The following CD164L2 variants were observed in gnomAD, a reference collection of about 807,000 sequenced individuals.
CD164L2 encodes CD164 molecule like 2.
CD164L2 carries 21 observed loss-of-function variants against 23.9 expected under a neutral mutation model. The observed-to-expected ratio is 0.88, with a 90% CI of 0.62 to 1.27. The LOEUF (loss-of-function observed/expected upper bound fraction) is 1.27, where lower values mean the gene tolerates loss of function less well. CD164L2 is among the 50% of genes most tolerant of loss of function. The pLI is 0.00. For synonymous variants in CD164L2, 92 were observed against 90.2 expected (o/e 1.02, Z -0.11); for missense variants, 230 against 224.8 (o/e 1.02, Z -0.15).
Position 27,383,297 on chromosome 1 carries a change from G to C in CD164L2, c.-58C>G. ...GGCCGGGATCGGTGGACAGCTGCCGGGCGCGTCCCTCCCAGACTGGGCTCG... is the reference window on the plus strand; with the variant it reads ...GGCCGGGATCGGTGGACAGCTGCCGCGCGCGTCCCTCCCAGACTGGGCTCG... On this transcript the variant is annotated 5_prime_UTR_variant, in exon 1 of 6. Transcript: ENST00000374030. 8.7e-7 allele frequency: 1 copy of C among 1,150,658 alleles called. No individual in the cohort carries two copies. The highest frequency in any genetic ancestry group is 2.1e-5 in the Admixed American group (1 of 48,626). The allele number at this position is 1,150,658 out of a possible 1,614,324, so 71.3% of individuals were successfully genotyped here. A position where few individuals can be genotyped will look rare whatever the true frequency, so the allele number is the denominator to read the frequency against.
Position 27,379,254 on chromosome 1 carries a change from G to T in CD164L2, c.*249C>A. ...GAGGCAGGCATACAACCCACTGTCA[G>T]GCTGGGGGGCCCAGCAGGGGCGATG... On this transcript the variant is annotated 3_prime_UTR_variant, in exon 6 of 6. Transcript: ENST00000374030. 1.7e-6 allele frequency: 1 copy of T among 587,656 alleles called. No homozygotes were observed. The highest frequency in any genetic ancestry group is 3.1e-6 in the Non-Finnish European group (1 of 327,492). 36.4% of individuals were successfully genotyped at this position (587,656 alleles called of 1,614,324 possible). A position where few individuals can be genotyped will look rare whatever the true frequency, so the allele number is the denominator to read the frequency against.
chr1:27,383,253 G>T lies in CD164L2; in HGVS notation c.-14C>A, dbSNP rs758969820. On this transcript the variant is annotated 5_prime_UTR_variant, in exon 1 of 6. Transcript: ENST00000374030. ...CGGAGCCTCCATGGGCTCGCGGGGT[G>T]GGGGTGGCCGGGGGCGGTGGCCGGG... The T allele has an allele frequency of 2.7e-6, 4 of 1,507,656 alleles. No homozygotes were observed. The highest frequency in any genetic ancestry group is 2.8e-5 in the African/African-American group (2 of 72,080). The allele number at this position is 1,507,656 out of a possible 1,614,324, so 93.4% of individuals were successfully genotyped here.
chr1:27,379,289 A>T lies in CD164L2; in HGVS notation c.*214T>A. On this transcript the variant is annotated 3_prime_UTR_variant, in exon 6 of 6. Coordinates refer to ENST00000374030, the MANE Select transcript of CD164L2 (RefSeq NM_001330448.1). ...CCCAGCAGGGGCGATGGAGGAGACG[A>T]GGTGGTTGAGGGATTTTCTCAGCTG... 3 of 605,274 alleles carry T rather than the reference A, an allele frequency of 5.0e-6. No homozygotes were observed. The highest frequency in any genetic ancestry group is 9.0e-6 in the Non-Finnish European group (3 of 333,574). 37.5% of individuals were successfully genotyped at this position (605,274 alleles called of 1,614,324 possible).
rs116684679 is a variant in CD164L2, at chr1:27,379,204, C to A, written c.*299G>T. The A allele has an allele frequency of 2.0e-3, 1,066 of 538,512 alleles. 12 individuals carry two copies. The highest frequency in any genetic ancestry group is 0.018 in the African/African-American group (966 of 52,858). The allele number at this position is 538,512 out of a possible 1,614,324, so 33.4% of individuals were successfully genotyped here. ...AGTGCAGAGTTCCTTTATTTGGGGG[C>A]AGTGCCCAGGCCAGTTGGTGGAAAG... On this transcript the variant is annotated 3_prime_UTR_variant, in exon 6 of 6. Transcript: ENST00000374030.
rs1329058271 is a variant in CD164L2, at chr1:27,379,944, G to A, written c.518+107C>T. 4 of 1,546,308 alleles carry A rather than the reference G, an allele frequency of 2.6e-6. No individual in the cohort carries two copies. The East Asian group carries it at 9.0e-5, about 35-fold the overall frequency. ...TGGAGCACGCTGTCACCGTCCTGAG[G>A]GCTTGCCCATGGAGAAGACAGCACC... On this transcript the variant is annotated intron_variant, in intron 5 of 5. Transcript: ENST00000374030.
At chr1:27,380,739 C>T (rs931456773) in intron 4 of CD164L2, among the ~76,000 whole-genome samples, 1 of 152,232 alleles carries the variant, frequency 6.6e-6, no homozygotes. Flanking sequence ...CCAACTGTCA[C>T]CCTGCTAAGT....
intron 3 of CD164L2, 144 bp downstream of exon 3, chr1:27,382,184 T>A: frequency 1.3e-6 from 2 of 1,580,350 alleles, no homozygotes; most frequent in Non-Finnish European, 1.7e-6. Flanking sequence ...AGGGGACTTC[T>A]CAGTGAGCTA....
intron 3 of CD164L2, 189 bp from the exon 4 acceptor site, chr1:27,382,013 C>T: frequency 7.0e-7 from 1 of 1,423,694 alleles, no homozygotes; most frequent in Non-Finnish European, 9.4e-7. Flanking sequence ...CTCTACCTTC[C>T]AGGCTCATTA....
At position 27,379,445 on chromosome 1, in the gene CD164L2, C is replaced by T; in HGVS notation, c.*58G>A. On this transcript the variant is annotated 3_prime_UTR_variant, in exon 6 of 6. Coordinates refer to ENST00000374030, the MANE Select transcript of CD164L2 (RefSeq NM_001330448.1). ...CCCCCCGCTTACCCACAAGGGTGCCCAGAGGCCACCCTCTGCATCCTCCTT... is the reference window on the plus strand; with the variant it reads ...CCCCCCGCTTACCCACAAGGGTGCCTAGAGGCCACCCTCTGCATCCTCCTT... The T allele has an allele frequency of 1.3e-6, 2 of 1,504,414 alleles. No homozygotes were observed. The highest frequency in any genetic ancestry group is 1.8e-6 in the Non-Finnish European group (2 of 1,105,512). The allele number at this position is 1,504,414 out of a possible 1,614,324, so 93.2% of individuals were successfully genotyped here.
At chr1:27,383,102 A>G in intron 1 of CD164L2, 50 bp downstream of exon 1, 1 of 1,440,078 alleles carries the variant, frequency 6.9e-7, no homozygotes, top group Non-Finnish European at 9.5e-7. Flanking sequence ...CTGAGGTGCA[A>G]GCTCCATCCG....
chr1:27,379,327 C>G lies in CD164L2; in HGVS notation c.*176G>C, dbSNP rs1265620791. On this transcript the variant is annotated 3_prime_UTR_variant, in exon 6 of 6. Coordinates refer to ENST00000374030, the MANE Select transcript of CD164L2 (RefSeq NM_001330448.1). ...ATTTTCTCAGCTGCAGGTTCCAGGC[C>G]CAGGACAGGAGGAGATGTCAGGCAT... 1 of 641,328 alleles carries G rather than the reference C, an allele frequency of 1.6e-6. No individual in the cohort carries two copies. The highest frequency in any genetic ancestry group is 1.8e-5 in the African/African-American group (1 of 54,832). The allele number at this position is 641,328 out of a possible 1,614,324, so 39.7% of individuals were successfully genotyped here. A position where few individuals can be genotyped will look rare whatever the true frequency, so the allele number is the denominator to read the frequency against.
At position 27,382,126 on chromosome 1, in the gene CD164L2, T is replaced by G. The variant is rs777486667; in HGVS notation, c.328+202A>C. The G allele has an allele frequency of 3.3e-6, 5 of 1,514,772 alleles. No homozygotes were observed. The South Asian group carries it at 6.4e-5, about 19-fold the overall frequency. The allele number at this position is 1,514,772 out of a possible 1,614,324, so 93.8% of individuals were successfully genotyped here. On this transcript the variant is annotated intron_variant, in intron 3 of 5. Coordinates refer to ENST00000374030, the MANE Select transcript of CD164L2 (RefSeq NM_001330448.1). ...AAGAAGAGCTAACACTCCCATCCCC[T>G]CCACACACCTGTACTAATTTTCAGA...
rs1367965223 is a variant in CD164L2, at chr1:27,382,368, C to T, written c.288G>A (p.Lys96=). The T allele has an allele frequency of 6.2e-7, 1 of 1,612,904 alleles. No homozygotes were observed. The highest frequency in any genetic ancestry group is 8.5e-7 in the Non-Finnish European group (1 of 1,179,362). Residue 96 remains lysine (K), a synonymous_variant, in exon 3 of 6, where the codon AAG becomes AAA. Coordinates refer to ENST00000374030, the MANE Select transcript of CD164L2 (RefSeq NM_001330448.1). Reference sequence around the variant, plus strand: ...AGCGGTTGTAGATGGAGCAACCTTCCTTGACCACCTCAGATTGGGCCACAC... The same window carrying T: ...AGCGGTTGTAGATGGAGCAACCTTCTTTGACCACCTCAGATTGGGCCACAC... ...GHCVAQSEVV[K]EGCSIYNRSE... is the part of the protein sequence containing the mutation.
At chr1:27,381,640 C>G in intron 4 of CD164L2, 140 bp downstream of exon 4, 1 of 863,006 alleles carries the variant, frequency 1.2e-6, no homozygotes, top group South Asian at 1.8e-5. Flanking sequence ...CATCATCCAA[C>G]CCATTTCACA....
chr1:27,380,337 A>T, intron 4 of CD164L2, 142 bp from the exon 5 acceptor site: 1 of 730,748 alleles, frequency 1.4e-6, no homozygotes. Context: ...TTTAGTCCAG[A>T]TCCCGCAGGC....
In CD164L2 at chr1:27,379,456, C is replaced by T. The variant is rs1423829618; in HGVS notation, c.*47G>A. On this transcript the variant is annotated 3_prime_UTR_variant, in exon 6 of 6. Coordinates refer to ENST00000374030, the MANE Select transcript of CD164L2 (RefSeq NM_001330448.1). ...CCCACAAGGGTGCCCAGAGGCCACC[C>T]TCTGCATCCTCCTTTCCCCTCAGGA... The T allele has an allele frequency of 3.3e-6, 5 of 1,527,968 alleles. No homozygotes were observed. The highest frequency in any genetic ancestry group is 1.4e-5 in the African/African-American group (1 of 72,536). The allele number at this position is 1,527,968 out of a possible 1,614,324, so 94.7% of individuals were successfully genotyped here. A position where few individuals can be genotyped will look rare whatever the true frequency, so the allele number is the denominator to read the frequency against.
rs1210946856 is a variant in CD164L2 at position 27,382,656 on chromosome 1, G to T, written c.100C>A (p.Arg34=). The change falls in exon 2 of 6, where the codon CGA becomes AGA. Residue 34 remains arginine, a synonymous_variant. Transcript: ENST00000374030. The part of the protein sequence containing the change: ...AQLAVAGKGA[R]GFGRGALIRL... ...ATCAGGGCTCCCCTCCCAAAGCCTC[G>T]AGCTCCTTTACCTGGTAGTGCGGTG... 2.4e-5 allele frequency: 38 copies of T among 1,611,172 alleles called. No homozygotes were observed. The highest frequency in any genetic ancestry group is 2.1e-4 in the Middle Eastern group (1 of 4,826).
chr1:27,381,697 A>ACTCAATCTGGG, intron 4 of CD164L2, 83 bp downstream of exon 4: 1 of 1,492,620 alleles, frequency 6.7e-7, no homozygotes, highest in Non-Finnish European at 9.2e-7. Context: ...CCGAGGTCAC[A>ACTCAATCTGGG]GAGCATGTCA....
rs1274100485 is a variant in CD164L2 at position 27,382,354 on chromosome 1, A to T, written c.302T>A (p.Ile101Asn). The T allele has an allele frequency of 6.2e-7, 1 of 1,613,578 alleles. No homozygotes were observed. The highest frequency in any genetic ancestry group is 1.3e-5 in the African/African-American group (1 of 74,856). ...TGGACATGCCTCTGAGCGGTTGTAG[A>T]TGGAGCAACCTTCCTTGACCACCTC... ...QSEVVKEGCSIYNRSEACPAA... is the reference protein window; with the variant it reads ...QSEVVKEGCSNYNRSEACPAA... The change falls in exon 3 of 6, where the codon ATC (isoleucine) becomes AAC (asparagine). Residue 101 changes from isoleucine (I) to asparagine (N), a missense_variant. Ile to Asn is a moderately radical substitution (Grantham distance 149). Transcript: ENST00000374030.
Sources: gnomAD v4.1 joint callset for allele counts (sites outside exome capture counted in the v4.1 genomes callset) on GRCh38, gnomAD v4.1.1 for gene constraint, MANE v1.5 for transcripts, NCBI Gene and HGNC (gene_info 2026-07-23, HGNC 2026-07-21) for gene names.